The following PDE10A variants were observed in gnomAD, a reference collection of about 807,000 sequenced individuals.
PDE10A encodes the protein phosphodiesterase 10A, also known as cAMP and cAMP-inhibited cGMP 3',5'-cyclic phosphodiesterase 10A.
A neutral mutation model predicts 97.7 loss-of-function variants in PDE10A; 39 were observed. The observed-to-expected ratio is 0.40, with a 90% confidence interval of 0.31 to 0.52. The LOEUF (loss-of-function observed/expected upper bound fraction) is 0.52, where lower values mean the gene tolerates loss of function less well. Among genes scored for constraint, PDE10A ranks in the 20% least tolerant of loss-of-function variants. The pLI is 0.56. For missense variants in PDE10A, 731 were observed against 1,047.8 expected, an observed-to-expected ratio of 0.70 and a Z score of 4.17; for synonymous variants, 371 against 376.8, an observed-to-expected ratio of 0.98 and a Z score of 0.18.
At chr6:165,970,827 T>C (rs935471606) in intron 1 of PDE10A, among the ~76,000 whole-genome samples, 2 of 152,156 alleles carry the variant, frequency 1.3e-5, no homozygotes, top group Non-Finnish European at 2.9e-5. Context: ...GAACATGAAT[T>C]GGACCCCATT....
At chr6:165,973,185 G>A (rs548039) in intron 1 of PDE10A, among the ~76,000 whole-genome samples, 10 of 152,184 alleles carry the variant, frequency 6.6e-5, no homozygotes, top group South Asian at 2.1e-4. Context: ...TTAGGAGGCC[G>A]AGGCTGGCAG....
At chr6:165,362,339 C>T (rs745338289) in intron 18 of PDE10A, among the ~76,000 whole-genome samples, 32 of 151,984 alleles carry the variant, frequency 2.1e-4, no homozygotes, top group South Asian at 8.3e-4. Flanking sequence ...AAAAGAAAGA[C>T]GATTCAACTT....
intron 1 of PDE10A, among the ~76,000 whole-genome samples, chr6:165,583,093 T>G (rs968160087): frequency 1.3e-5 from 2 of 152,212 alleles, no homozygotes; most frequent in African/African-American, 4.8e-5. Context: ...GCCTACTATG[T>G]GCGGGGGCAG....
chr6:165,410,496 G>A (rs557871375), intron 13 of PDE10A, among the ~76,000 whole-genome samples: 12 of 16,244 alleles, frequency 7.4e-4, no homozygotes, highest in East Asian at 5.1e-3. Context: ...GATGGCTAGA[G>A]CATTCTGTGG....
At chr6:165,622,401 G>A (rs964355611) in intron 1 of PDE10A, among the ~76,000 whole-genome samples, 4 of 152,102 alleles carry the variant, frequency 2.6e-5, no homozygotes, top group African/African-American at 9.7e-5. Flanking sequence ...AAACCCATAT[G>A]GTCCAGCCTA....
At position 165,971,460 on chromosome 6, in the gene PDE10A, G is replaced by C. The variant is rs557061256; in HGVS notation, c.-615+16069C>G. On this transcript the variant is annotated intron_variant, in intron 1 of 19. Coordinates refer to the PDE10A transcript ENST00000366882. Reference sequence around the variant, plus strand: ...TAAGACTGAAAATTCCTTCAGGGCTGGGAAAATAAACTCTTGCCCATCATC... The same window carrying C: ...TAAGACTGAAAATTCCTTCAGGGCTCGGAAAATAAACTCTTGCCCATCATC... Among the ~76,000 whole-genome samples, 209 of 152,248 alleles carry C rather than the reference G, an allele frequency of 1.4e-3. 1 individual carries two copies. The highest frequency in any genetic ancestry group is 4.7e-3 in the African/African-American group (197 of 41,532).
At chr6:165,370,145 C>T (rs1008879458) in intron 18 of PDE10A, among the ~76,000 whole-genome samples, 3 of 152,018 alleles carry the variant, frequency 2.0e-5, no homozygotes, top group South Asian at 2.1e-4. Flanking sequence ...TAAAGACCAT[C>T]GAGACTAAGA....
intron 1 of PDE10A, among the ~76,000 whole-genome samples, chr6:165,743,981 C>G (rs564685791): frequency 6.6e-6 from 1 of 152,192 alleles, no homozygotes; most frequent in Non-Finnish European, 1.5e-5. Flanking sequence ...GGGGTAGGTA[C>G]TTAAGCGGAG....
upstream of PDE10A, among the ~76,000 whole-genome samples, chr6:165,664,396 C>T (rs1415268044): frequency 6.6e-6 from 1 of 152,156 alleles, no homozygotes; most frequent in Non-Finnish European, 1.5e-5. Flanking sequence ...TTGCACCAAG[C>T]TGAGCAGTTG....
At chr6:165,607,292 G>C (rs74953524) in intron 1 of PDE10A, among the ~76,000 whole-genome samples, 1,631 of 152,314 alleles carry the variant, frequency 0.011, 28 homozygotes, top group African/African-American at 0.037. Flanking sequence ...TGGTCAACAA[G>C]CGACCAAAGA....
intron 19 of PDE10A, among the ~76,000 whole-genome samples, chr6:165,340,464 G>A (rs564545896): frequency 3.0e-4 from 45 of 152,270 alleles, no homozygotes; most frequent in African/African-American, 1.0e-3. Context: ...CTTCAAGCAT[G>A]GCTGCTGTTC....
intron 1 of PDE10A, among the ~76,000 whole-genome samples, chr6:165,962,260 C>A (rs1459205656): frequency 6.6e-6 from 1 of 152,194 alleles, no homozygotes; most frequent in Non-Finnish European, 1.5e-5. Flanking sequence ...ACCTCAGGGG[C>A]CCCACTACAG....
intron 5 of PDE10A, among the ~76,000 whole-genome samples, chr6:165,445,682 G>A (rs1251568789): frequency 6.6e-6 from 1 of 152,186 alleles, no homozygotes; most frequent in East Asian, 1.9e-4. Flanking sequence ...TGCATCATGT[G>A]GATTGGACTC....
intron 1 of PDE10A, among the ~76,000 whole-genome samples, chr6:165,603,217 A>G (rs1252998524): frequency 3.9e-5 from 6 of 152,134 alleles, no homozygotes; most frequent in Non-Finnish European, 8.8e-5. Context: ...GCTCCTCCAT[A>G]CAATTCTGCC....
chr6:165,933,758 A>G (rs957837923), intron 1 of PDE10A, among the ~76,000 whole-genome samples: 2 of 152,188 alleles, frequency 1.3e-5, no homozygotes, highest in Non-Finnish European at 2.9e-5. Flanking sequence ...AAAGAAATTT[A>G]TACACAACAA....
In PDE10A at chr6:165,691,178, T is replaced by G. The variant is rs1313972006; in HGVS notation, c.-614-147610A>C. Among the ~76,000 whole-genome samples, 4 of 102,646 alleles carry G rather than the reference T, an allele frequency of 3.9e-5. No homozygotes were observed. The South Asian group carries it at 1.4e-3, about 37-fold the overall frequency. 67.3% of individuals were successfully genotyped at this position (102,646 alleles called of 152,430 possible). On this transcript the variant is annotated intron_variant, in intron 1 of 19. Transcript: ENST00000366882. The stretch of plus-strand genomic sequence containing the variant: ...GTAATATTCTCTCTTTCTTTCTCTC[T>G]CTCTCTCTCCCTCTCTCTCTCTCCC...
intron 20 of PDE10A, 31 bp from the exon 21 acceptor site, chr6:165,336,242 AC>A: frequency 7.2e-7 from 1 of 1,383,056 alleles, no homozygotes; most frequent in South Asian, 1.2e-5. Context: ...CGGACAAGAA[AC>A]AAAAGTGCAC....
chr6:165,478,405 G>T (rs375363212), intron 3 of PDE10A, among the ~76,000 whole-genome samples: 18 of 152,232 alleles, frequency 1.2e-4, no homozygotes, highest in African/African-American at 3.1e-4. Context: ...GCAATGATGG[G>T]GGGGAGGGGG....
At chr6:165,777,039 G>A (rs1291794620) in intron 1 of PDE10A, among the ~76,000 whole-genome samples, 1 of 152,180 alleles carries the variant, frequency 6.6e-6, no homozygotes, top group Non-Finnish European at 1.5e-5. Context: ...TAAAGTGAGG[G>A]CGAGGAGAAT....
Sources: gnomAD v4.1 joint callset for allele counts (sites outside exome capture counted in the v4.1 genomes callset) on GRCh38, gnomAD v4.1.1 for gene constraint, MANE v1.5 for transcripts, NCBI Gene and HGNC (gene_info 2026-07-23, HGNC 2026-07-21) for gene names.